The following AK5 variants were observed in gnomAD, a reference collection of about 807,000 sequenced individuals.
The protein encoded by AK5 is adenylate kinase isoenzyme 5.
Under a neutral mutation model 69.5 loss-of-function variants are expected in AK5, and 27 were observed. The observed-to-expected ratio is 0.39, with a 90% confidence interval of 0.29 to 0.54. AK5 has a LOEUF of 0.54. Among genes scored for constraint, AK5 ranks in the 20% least tolerant of loss-of-function variants. AK5 has a pLI of 0.71. For synonymous variants in AK5, 260 were observed against 244.4 expected (o/e 1.06, Z -0.60); for missense variants, 531 against 700.4 (o/e 0.76, Z 2.73).
At chr1:77,357,162 T>C (rs1477425604) in intron 6 of AK5, among the ~76,000 whole-genome samples, 1 of 152,202 alleles carries the variant, frequency 6.6e-6, no homozygotes, top group Admixed American at 6.5e-5. Flanking sequence ...ATTTTTATTA[T>C]ATTCAAATAA....
At chr1:77,327,640 C>T (rs1570386111) in intron 5 of AK5, among the ~76,000 whole-genome samples, 2 of 152,288 alleles carry the variant, frequency 1.3e-5, no homozygotes, top group South Asian at 4.1e-4. Flanking sequence ...TAGCTCACCC[C>T]ACAGGTGTAG....
chr1:77,541,243 G>C (rs1054899505), intron 13 of AK5, among the ~76,000 whole-genome samples: 4 of 152,062 alleles, frequency 2.6e-5, no homozygotes, highest in Non-Finnish European at 5.9e-5. Flanking sequence ...TGGGCAACAT[G>C]GCAAAACCCA....
rs141808257 is a variant in AK5 at position 77,487,198 on chromosome 1, T to G, written c.1147+846T>G. On this transcript the variant is annotated intron_variant, in intron 10 of 13. Coordinates refer to ENST00000354567, the MANE Select transcript of AK5 (RefSeq NM_174858.3). ...GCTCCAGGTTATCTCAATTAATCCTTATACAATCCCATTACCTAGTCTATT... is the reference window on the plus strand; with the variant it reads ...GCTCCAGGTTATCTCAATTAATCCTGATACAATCCCATTACCTAGTCTATT... Among the ~76,000 whole-genome samples the G allele has an allele frequency of 9.8e-5, 15 of 152,352 alleles. No homozygotes were observed. The East Asian group carries it at 2.9e-3, about 29-fold the overall frequency.
intron 8 of AK5, among the ~76,000 whole-genome samples, chr1:77,445,467 A>G (rs1361530716): frequency 6.6e-6 from 1 of 152,158 alleles, no homozygotes; most frequent in Non-Finnish European, 1.5e-5. Context: ...CCCATTTTGT[A>G]ATCAGCTTAT....
rs139605720 is a variant in AK5, at chr1:77,557,741, A to T, written c.1621-861A>T. 4.6e-5 allele frequency among the ~76,000 whole-genome samples: 7 copies of T among 152,256 alleles called. 1 individual carries two copies. The East Asian group carries it at 1.3e-3, about 29-fold the overall frequency. ...TTTTAAGTAACTCCGAAGTCTTTCC[A>T]TGACCCCTAGCAATGTTTTACCTAA... On this transcript the variant is annotated intron_variant, in intron 13 of 13. Transcript: ENST00000354567.
At chr1:77,417,804 T>G in intron 8 of AK5, 89 bp downstream of exon 8, 1 of 783,452 alleles carries the variant, frequency 1.3e-6, no homozygotes, top group South Asian at 1.7e-5. Context: ...TTATAAAAAC[T>G]CATTTTGTGA....
chr1:77,339,506 C>T (rs1300700176), intron 5 of AK5, among the ~76,000 whole-genome samples: 1 of 152,200 alleles, frequency 6.6e-6, no homozygotes, highest in Non-Finnish European at 1.5e-5. Context: ...TTAGACCAGA[C>T]AGACTTGAGT....
At chr1:77,395,223 G>A (rs976154713) in intron 6 of AK5, among the ~76,000 whole-genome samples, 1 of 152,092 alleles carries the variant, frequency 6.6e-6, no homozygotes, top group Non-Finnish European at 1.5e-5. Context: ...TTGTCATTTT[G>A]TAAAAGTGGA....
intron 6 of AK5, 83 bp downstream of exon 6, chr1:77,340,651 C>G (rs536959714): frequency 6.9e-5 from 91 of 1,328,382 alleles, no homozygotes; most frequent in Non-Finnish European, 8.9e-5. Context: ...TGTAGAAATC[C>G]TCTTTACCTT....
At chr1:77,382,354 T>G (rs950182972) in intron 6 of AK5, among the ~76,000 whole-genome samples, 2 of 152,024 alleles carry the variant, frequency 1.3e-5, no homozygotes, top group African/African-American at 4.8e-5. Flanking sequence ...TTTTTTAAAT[T>G]TTTCATTTGT....
intron 8 of AK5, among the ~76,000 whole-genome samples, chr1:77,477,408 G>A (rs938677045): frequency 4.6e-5 from 7 of 151,980 alleles, no homozygotes; most frequent in Non-Finnish European, 7.4e-5. Flanking sequence ...GAACTTACAC[G>A]ATATTTTTTT....
At chr1:77,384,482 G>A (rs185970353) in intron 6 of AK5, among the ~76,000 whole-genome samples, 109 of 152,222 alleles carry the variant, frequency 7.2e-4, no homozygotes, top group African/African-American at 2.5e-3. Flanking sequence ...TACTGACTGT[G>A]TTTTAAAGAT....
chr1:77,481,143 A>G (rs1370665486), intron 8 of AK5, among the ~76,000 whole-genome samples: 7 of 152,230 alleles, frequency 4.6e-5, no homozygotes, highest in Non-Finnish European at 1.0e-4. Context: ...CCCTACACTG[A>G]TGAGACCAAA....
chr1:77,300,084 A>G lies in AK5; in HGVS notation c.699+2137A>G, dbSNP rs367660850. 7.2e-5 allele frequency among the ~76,000 whole-genome samples: 11 copies of G among 152,288 alleles called. No individual in the cohort carries two copies. In the East Asian group the frequency reaches 1.9e-3, roughly 27 times the overall value. On this transcript the variant is annotated intron_variant, in intron 5 of 13. Transcript: ENST00000354567. ...CAGACTCAGAAAGCTAAGGTGGTGTATCAGAATCCTGAAATTCCTACTCAT... is the reference window on the plus strand; with the variant it reads ...CAGACTCAGAAAGCTAAGGTGGTGTGTCAGAATCCTGAAATTCCTACTCAT...
At chr1:77,556,949 A>G (rs1218301427) in intron 13 of AK5, among the ~76,000 whole-genome samples, 1 of 151,028 alleles carries the variant, frequency 6.6e-6, no homozygotes, top group Non-Finnish European at 1.5e-5. Flanking sequence ...CGCCCCCCAC[A>G]TGACTCATGT....
At position 77,559,264 on chromosome 1, in the gene AK5, T is replaced by C. The variant is rs571461737; in HGVS notation, c.*594T>C. 4 of 152,314 alleles carry C rather than the reference T, an allele frequency of 2.6e-5. No homozygotes were observed. The highest frequency in any genetic ancestry group is 4.4e-5 in the Non-Finnish European group (3 of 68,040). The allele number at this position is 152,314 out of a possible 1,614,324, so 9.4% of individuals were successfully genotyped here. On this transcript the variant is annotated 3_prime_UTR_variant, in exon 14 of 14. Coordinates refer to ENST00000354567, the MANE Select transcript of AK5 (RefSeq NM_174858.3). ...AAAATTTGACAGAAATTTTAAAATA[T>C]GAAGATGTATAGCTTTCCCAAGATG...
chr1:77,327,070 G>A (rs1660842226), intron 5 of AK5, among the ~76,000 whole-genome samples: 1 of 152,096 alleles, frequency 6.6e-6, no homozygotes, highest in Admixed American at 6.6e-5. Flanking sequence ...TAAGAAGGCA[G>A]GTAGAGAGAG....
chr1:77,478,740 G>A (rs1006010867), intron 8 of AK5, among the ~76,000 whole-genome samples: 1 of 152,164 alleles, frequency 6.6e-6, no homozygotes, highest in Non-Finnish European at 1.5e-5. Flanking sequence ...CCATCTGTGA[G>A]ACTAAGTTGT....
chr1:77,312,749 C>G (rs572943545), intron 5 of AK5, among the ~76,000 whole-genome samples: 2 of 152,172 alleles, frequency 1.3e-5, no homozygotes, highest in South Asian at 4.1e-4. Context: ...TAGTGTAACC[C>G]AAAGTCCCTC....
Sources: allele counts gnomAD v4.1 joint callset (sites outside exome capture counted in the v4.1 genomes callset), GRCh38; gene constraint gnomAD v4.1.1; transcripts MANE v1.5; gene names NCBI Gene and HGNC (gene_info 2026-07-23, HGNC 2026-07-21).